Variants in AJAP1 observed in about 807,000 individuals in gnomAD.
AJAP1 encodes the protein adherens junctions associated protein 1.
AJAP1 carries 5 observed loss-of-function variants against 35.0 expected under a neutral mutation model. The observed-to-expected ratio is 0.14, with a 90% CI of 0.07 to 0.30. AJAP1 has a LOEUF of 0.30. Ranked by LOEUF, AJAP1 falls within the 10% of genes least tolerant of loss-of-function variation. AJAP1 has a pLI of 1.00. For synonymous variants in AJAP1, 284 were observed against 249.3 expected, an observed-to-expected ratio of 1.14 and a Z score of -1.31; for missense variants, 586 against 571.0, an observed-to-expected ratio of 1.03 and a Z score of -0.27.
At chr1:4,729,651 T>A (rs1441103463) in intron 2 of AJAP1, among the ~76,000 whole-genome samples, 1 of 113,038 alleles carries the variant, frequency 8.8e-6, no homozygotes, top group Non-Finnish European at 1.9e-5. Flanking sequence ...GTTCCCCTTT[T>A]GATGAGGACA....
intron 2 of AJAP1, among the ~76,000 whole-genome samples, chr1:4,745,229 GCGA>G (rs1641162041): frequency 6.6e-6 from 1 of 152,186 alleles, no homozygotes; most frequent in African/African-American, 2.4e-5. Flanking sequence ...AGAGTCTAGG[GCGA>G]CAATTTCCTA....
At chr1:4,711,852 C>T (rs780205276) in intron 1 of AJAP1, 48 bp from the exon 2 acceptor site, 3 of 1,395,392 alleles carry the variant, frequency 2.1e-6, no homozygotes, top group African/African-American at 1.5e-5. Flanking sequence ...CCCAGTCCCC[C>T]TCCTGGGCTT....
At chr1:4,737,348 C>G (rs1178063016) in intron 2 of AJAP1, among the ~76,000 whole-genome samples, 2 of 152,122 alleles carry the variant, frequency 1.3e-5, no homozygotes, top group African/African-American at 4.8e-5. Context: ...CCCCTCACCT[C>G]TCTCAGGGAA....
intron 2 of AJAP1, among the ~76,000 whole-genome samples, chr1:4,748,015 A>C (rs901783171): frequency 6.6e-6 from 1 of 151,376 alleles, no homozygotes; most frequent in Non-Finnish European, 1.5e-5. Flanking sequence ...CAAAGCAAAA[A>C]AACCCTCCTT....
At chr1:4,687,992 G>A (rs1639645180) in intron 1 of AJAP1, among the ~76,000 whole-genome samples, 1 of 152,242 alleles carries the variant, frequency 6.6e-6, no homozygotes, top group Admixed American at 6.5e-5. Context: ...AGGGCCCACA[G>A]AACCTCTCCC....
At chr1:4,771,000 C>T (rs1264596442) in intron 3 of AJAP1, among the ~76,000 whole-genome samples, 1 of 151,962 alleles carries the variant, frequency 6.6e-6, no homozygotes, top group African/African-American at 2.4e-5. Context: ...GACTTTGGAC[C>T]CCTGGACTGT....
chr1:4,763,043 C>G (rs1172838051), intron 2 of AJAP1, among the ~76,000 whole-genome samples: 1 of 152,124 alleles, frequency 6.6e-6, no homozygotes, highest in Non-Finnish European at 1.5e-5. Context: ...GGGCTCACAC[C>G]TCACCCTCTG....
intron 2 of AJAP1, among the ~76,000 whole-genome samples, chr1:4,732,829 G>C (rs1640830989): frequency 6.6e-6 from 1 of 152,220 alleles, no homozygotes; most frequent in African/African-American, 2.4e-5. Flanking sequence ...AGAAGGCTTA[G>C]TAAGTTACAG....
chr1:4,769,710 T>C (rs989042203), intron 2 of AJAP1, 143 bp from the exon 3 acceptor site: 4 of 732,698 alleles, frequency 5.5e-6, no homozygotes, highest in African/African-American at 1.7e-5. Context: ...TGAGCACCTG[T>C]CATGCTGCCC....
intron 4 of AJAP1, among the ~76,000 whole-genome samples, chr1:4,773,637 G>T (rs544260838): frequency 1.3e-4 from 20 of 152,324 alleles, no homozygotes; most frequent in African/African-American, 4.3e-4. Context: ...CATTTGGGGA[G>T]CTCATGGGTG....
intron 2 of AJAP1, among the ~76,000 whole-genome samples, chr1:4,714,874 T>G (rs1485104588): frequency 6.6e-6 from 1 of 152,138 alleles, no homozygotes; most frequent in African/African-American, 2.4e-5. Context: ...ACTGGGTTCC[T>G]CATAGCCCAG....
intron 2 of AJAP1, among the ~76,000 whole-genome samples, chr1:4,721,863 T>C (rs1447320490): frequency 6.6e-6 from 1 of 152,252 alleles, no homozygotes; most frequent in Non-Finnish European, 1.5e-5. Context: ...TATAGTGTCC[T>C]AACTGTGCTG....
chr1:4,739,581 A>G (rs929736161), intron 2 of AJAP1, among the ~76,000 whole-genome samples: 1 of 152,206 alleles, frequency 6.6e-6, no homozygotes, highest in Admixed American at 6.5e-5. Flanking sequence ...TTTCTTAGTC[A>G]TCTTGGCTGG....
At chr1:4,703,157 G>A (rs939400930) in intron 1 of AJAP1, among the ~76,000 whole-genome samples, 9 of 152,190 alleles carry the variant, frequency 5.9e-5, no homozygotes, top group African/African-American at 1.7e-4. Flanking sequence ...AGCGCGGAGT[G>A]GCTCTGACAG....
intron 2 of AJAP1, among the ~76,000 whole-genome samples, chr1:4,722,048 C>T (rs945796297): frequency 5.3e-5 from 8 of 152,222 alleles, no homozygotes; most frequent in Non-Finnish European, 7.3e-5. Context: ...ACTGGGAACA[C>T]GTCTGCCACA....
chr1:4,677,971 G>A (rs527755891), intron 1 of AJAP1, among the ~76,000 whole-genome samples: 12 of 152,298 alleles, frequency 7.9e-5, no homozygotes, highest in South Asian at 2.1e-4. Flanking sequence ...CTGGTGGCTC[G>A]TAGAGGATGT....
At chr1:4,702,363 T>A (rs751801002) in intron 1 of AJAP1, among the ~76,000 whole-genome samples, 2 of 152,162 alleles carry the variant, frequency 1.3e-5, no homozygotes, top group Non-Finnish European at 2.9e-5. Flanking sequence ...TCATTCAGGT[T>A]TGGGTTAAGA....
intron 5 of AJAP1, among the ~76,000 whole-genome samples, chr1:4,780,924 C>A (rs1021570697): frequency 6.6e-6 from 1 of 152,136 alleles, no homozygotes; most frequent in African/African-American, 2.4e-5. Flanking sequence ...TCCACTGTAG[C>A]CTCATGGAGT....
chr1:4,778,092 A>G (rs1641975804), intron 5 of AJAP1, among the ~76,000 whole-genome samples: 3 of 152,208 alleles, frequency 2.0e-5, no homozygotes. Flanking sequence ...AGTGGTCATT[A>G]CACCCAGTGC....
Sources: gnomAD v4.1 joint callset for allele counts (sites outside exome capture counted in the v4.1 genomes callset) on GRCh38, gnomAD v4.1.1 for gene constraint, MANE v1.5 for transcripts, NCBI Gene and HGNC (gene_info 2026-07-23, HGNC 2026-07-21) for gene names.